The following EPRS1 variants were observed in gnomAD, a reference collection of about 807,000 sequenced individuals.
EPRS1 encodes bifunctional glutamate/proline--tRNA ligase.
In EPRS1, 107 loss-of-function variants were observed where a neutral mutation model predicts 188.3. The ratio of observed to expected loss-of-function variants is 0.57; its 90% CI spans 0.49 to 0.67. The LOEUF is 0.67. Among genes scored for constraint, EPRS1 ranks in the 30% least tolerant of loss-of-function variants. The pLI is 0.00. For missense variants in EPRS1, 1,577 were observed against 1,802.2 expected, an observed-to-expected ratio of 0.88 and a Z score of 2.26; for synonymous variants, 596 against 593.1, an observed-to-expected ratio of 1.00 and a Z score of -0.07.
chr1:220,010,928 T>A lies in EPRS1; in HGVS notation c.1605+18A>T. On this transcript the variant is annotated intron_variant, in intron 13 of 31. Coordinates refer to ENST00000366923, the MANE Select transcript of EPRS1 (RefSeq NM_004446.3). The stretch of plus-strand genomic sequence containing the variant: ...CTTTTAACAGAGAGAAACACATTGG[T>A]GAAACTGTAAGAGTGACCTTTGGGT... 1 of 1,440,630 alleles carries A rather than the reference T, an allele frequency of 6.9e-7. No homozygotes were observed. Among genetic ancestry groups the A allele is most frequent in the Non-Finnish European group, 9.8e-7 (1 of 1,024,468 alleles). The allele number at this position is 1,440,630 out of a possible 1,614,324, so 89.2% of individuals were successfully genotyped here.
chr1:220,032,609 T>C, intron 4 of EPRS1, 83 bp from the exon 5 acceptor site: 1 of 1,298,696 alleles, frequency 7.7e-7, no homozygotes, highest in South Asian at 1.2e-5. Flanking sequence ...TTGAAGTAAT[T>C]GAGATGGCTT....
chr1:220,040,235 A>G lies in EPRS1; in HGVS notation c.81T>C (p.Asp27=). The change falls in exon 2 of 32, where the codon GAT becomes GAC. Residue 27 remains aspartate (D), a synonymous_variant. Transcript: ENST00000366923. ...TCCCTTCTTCAACGGAAATGCTGACATCGTCTTTCACGTGTTCTACTGCCA... is the reference window on the plus strand; with the variant it reads ...TCCCTTCTTCAACGGAAATGCTGACGTCGTCTTTCACGTGTTCTACTGCCA... The part of the protein sequence containing the change: ...ALLAVEHVKD[D]VSISVEEGKE... 1 of 1,610,484 alleles carries G rather than the reference A, an allele frequency of 6.2e-7. No homozygotes were observed. Among genetic ancestry groups the G allele is most frequent in the Non-Finnish European group, 8.5e-7 (1 of 1,177,294 alleles).
chr1:219,983,302 A>T lies in EPRS1; in HGVS notation c.3187T>A (p.Phe1063Ile). Residue 1063 changes from phenylalanine to isoleucine, a missense_variant, in exon 22 of 32, where the codon TTT (phenylalanine) becomes ATT (isoleucine). Transcript: ENST00000366923. ...AYAIWEAIKDFFDAEIKKLGV... is the reference protein window; with the variant it reads ...AYAIWEAIKDIFDAEIKKLGV... ...AGTTTCTTGATCTCAGCATCAAAAA[A>T]GTCCTTGATGGCTTCCCAAATGGCA... 6.2e-7 allele frequency: 1 copy of T among 1,613,944 alleles called. No individual in the cohort carries two copies. Among genetic ancestry groups the T allele is most frequent in the Non-Finnish European group, 8.5e-7 (1 of 1,179,756 alleles).
chr1:220,008,593 T>G (rs561274990), intron 13 of EPRS1, among the ~76,000 whole-genome samples: 69 of 152,298 alleles, frequency 4.5e-4, no homozygotes, highest in Non-Finnish European at 8.7e-4. Flanking sequence ...ATAATGAAAA[T>G]TCCACAGAGC....
At position 219,994,852 on chromosome 1, in the gene EPRS1, C is replaced by G. The variant is rs1661202101; in HGVS notation, c.2541+2131G>C. Among the ~76,000 whole-genome samples the G allele has an allele frequency of 2.0e-5, 3 of 152,088 alleles. No individual in the cohort carries two copies. The South Asian group carries it at 6.2e-4, about 32-fold the overall frequency. ...CATTTTTAGTAGAGACAGGGTTTCACTGTGTTAGCAAGGATGGTCTCGATC... is the reference window on the plus strand; with the variant it reads ...CATTTTTAGTAGAGACAGGGTTTCAGTGTGTTAGCAAGGATGGTCTCGATC... On this transcript the variant is annotated intron_variant, in intron 18 of 31. Transcript: ENST00000366923.
chr1:219,972,051 T>G lies in EPRS1; in HGVS notation c.4323+18A>C. The G allele has an allele frequency of 6.6e-7, 1 of 1,517,164 alleles. No individual in the cohort carries two copies. The highest frequency in any genetic ancestry group is 8.9e-7 in the Non-Finnish European group (1 of 1,119,802). 94.0% of individuals were successfully genotyped at this position (1,517,164 alleles called of 1,614,324 possible). A position where few individuals can be genotyped will look rare whatever the true frequency, so the allele number is the denominator to read the frequency against. ...ACTTAAATATTCTTATACTGAAAAG[T>G]TTTCCAAACTCTCTGACCTTTCCAG... On this transcript the variant is annotated intron_variant, in intron 30 of 31. Coordinates refer to ENST00000366923, the MANE Select transcript of EPRS1 (RefSeq NM_004446.3).
intron 18 of EPRS1, among the ~76,000 whole-genome samples, chr1:219,991,171 T>C (rs1483020353): frequency 1.3e-5 from 2 of 148,214 alleles, no homozygotes; most frequent in Non-Finnish European, 3.0e-5. Flanking sequence ...CTCAAACAGC[T>C]ATTTTTTCAG....
chr1:219,979,358 C>T lies in EPRS1; in HGVS notation c.3909+60G>A, dbSNP rs975682370. 3.8e-6 allele frequency: 5 copies of T among 1,320,142 alleles called. No homozygotes were observed. The Admixed American group carries it at 8.7e-5, about 23-fold the overall frequency. 81.8% of individuals were successfully genotyped at this position (1,320,142 alleles called of 1,614,324 possible). ...TCAGAAAATCACCCTTTCAAATTTCCTTTAGTAAATATGGCTTGTATTTTA... is the reference window on the plus strand; with the variant it reads ...TCAGAAAATCACCCTTTCAAATTTCTTTTAGTAAATATGGCTTGTATTTTA... On this transcript the variant is annotated intron_variant, in intron 27 of 31. Transcript: ENST00000366923.
chr1:220,032,854 G>A (rs557032966), intron 4 of EPRS1, among the ~76,000 whole-genome samples: 7 of 151,972 alleles, frequency 4.6e-5, no homozygotes, highest in African/African-American at 1.7e-4. Flanking sequence ...TATCTTGATT[G>A]TAACCATAGT....
In EPRS1 at chr1:219,970,669, G is replaced by A. The variant is rs183853741; in HGVS notation, c.4323+1400C>T. ...GGCAGGCGCCTGTAATCCCAGCCAC[G>A]TGGAAGGCTGAGGCAGGAGAATCGC... On this transcript the variant is annotated intron_variant, in intron 30 of 31. Transcript: ENST00000366923. 2.3e-3 allele frequency among the ~76,000 whole-genome samples: 351 copies of A among 151,830 alleles called. 2 individuals carry two copies. Among genetic ancestry groups the A allele is most frequent in the African/African-American group, 7.3e-3 (304 of 41,402 alleles).
intron 20 of EPRS1, among the ~76,000 whole-genome samples, chr1:219,984,604 G>C (rs1000005479): frequency 6.6e-6 from 1 of 152,016 alleles, no homozygotes; most frequent in Non-Finnish European, 1.5e-5. Context: ...TTATTTTTTG[G>C]TAGAGGCAGG....
chr1:220,015,464 GA>G (rs374968335), intron 12 of EPRS1, among the ~76,000 whole-genome samples: 2 of 148,830 alleles, frequency 1.3e-5, no homozygotes, highest in Non-Finnish European at 3.0e-5. Context: ...CTCCGTCTCA[GA>G]AAAAAATAAA....
At chr1:220,011,214 C>G (rs1363547538) in intron 12 of EPRS1, among the ~76,000 whole-genome samples, 158 bp from the exon 13 acceptor site, 1 of 151,844 alleles carries the variant, frequency 6.6e-6, no homozygotes, top group Non-Finnish European at 1.5e-5. Flanking sequence ...TACCATTAAG[C>G]AGAAAAAAGA....
chr1:220,001,441 C>T (rs1290952226), intron 16 of EPRS1, among the ~76,000 whole-genome samples, 186 bp from the exon 17 acceptor site: 1 of 152,148 alleles, frequency 6.6e-6, no homozygotes. Flanking sequence ...TCTAAGCTCA[C>T]TGCAGCTTCC....
At position 219,980,810 on chromosome 1, in the gene EPRS1, A is replaced by G. The variant is rs565659458; in HGVS notation, c.3501T>C (p.Phe1167=). ...HPQPFLRTRE[F]LWQEGHSAFA... ...AAGCACTGTGCCCTTCCTGCCAAAG[A>G]AATTCACGAGTACGTAGGAAAGGCT... Residue 1167 remains phenylalanine (F), a synonymous_variant, in exon 25 of 32, where the codon TTT becomes TTC. Transcript: ENST00000366923. The G allele has an allele frequency of 1.9e-6, 3 of 1,613,682 alleles. No individual in the cohort carries two copies. The South Asian group carries it at 3.3e-5, about 18-fold the overall frequency.
In EPRS1 at chr1:219,984,229, TTTC is replaced by T. The variant is rs781215363; in HGVS notation, c.3064_3066del (p.Glu1022del). On this transcript the variant is annotated inframe_deletion, in exon 21 of 32. Transcript: ENST00000366923. The stretch of plus-strand genomic sequence containing the variant: ...ACCTGAGAATACCAATCAGCAAGAT[TTTC>T]TTCTTTTTTTGCCTCAAGACCCAAC... The T allele has an allele frequency of 1.3e-5, 21 of 1,613,514 alleles. No individual in the cohort carries two copies. The highest frequency in any genetic ancestry group is 1.7e-5 in the Non-Finnish European group (20 of 1,179,664).
In EPRS1 at chr1:219,975,540, G is replaced by A. The variant is rs530102037; in HGVS notation, c.4084-2142C>T. 6.6e-5 allele frequency among the ~76,000 whole-genome samples: 10 copies of A among 152,176 alleles called. No individual in the cohort carries two copies. The South Asian group carries it at 2.1e-3, about 32-fold the overall frequency. On this transcript the variant is annotated intron_variant, in intron 28 of 31. Transcript: ENST00000366923. ...CAACCTCCGCCTCCCAGGTTCAAGC[G>A]ATTCTCCTGCCTCAGCCTCCTGAGT...
intron 2 of EPRS1, among the ~76,000 whole-genome samples, chr1:220,036,182 G>A (rs1370690280): frequency 1.3e-5 from 2 of 152,054 alleles, no homozygotes; most frequent in East Asian, 1.9e-4. Context: ...CCTGGGCAGC[G>A]GAGCAAGACT....
Position 220,034,998 on chromosome 1 carries a change from T to C in EPRS1, c.147A>G (p.Thr49=). The C allele has an allele frequency of 6.4e-7, 1 of 1,567,662 alleles. No individual in the cohort carries two copies. The highest frequency in any genetic ancestry group is 8.7e-7 in the Non-Finnish European group (1 of 1,150,840). ...AGTAGCGAAGTATAGAATTCACATCTGTGAATATCACATTTCTAGAATATA... is the reference window on the plus strand; with the variant it reads ...AGTAGCGAAGTATAGAATTCACATCCGTGAATATCACATTTCTAGAATATA... The part of the protein sequence containing the change: ...ILHVSENVIF[T]DVNSILRYLA... The change falls in exon 3 of 32, where the codon ACA becomes ACG. Residue 49 remains threonine, a synonymous_variant. Transcript: ENST00000366923.
Sources: allele counts gnomAD v4.1 joint callset (sites outside exome capture counted in the v4.1 genomes callset), GRCh38; gene constraint gnomAD v4.1.1; transcripts MANE v1.5; gene names NCBI Gene and HGNC (gene_info 2026-07-23, HGNC 2026-07-21).